The following ADAM9 variants were observed in gnomAD, a reference collection of about 807,000 sequenced individuals.
The protein encoded by ADAM9 is ADAM metallopeptidase domain 9.
ADAM9 carries 54 observed loss-of-function variants against 108.1 expected under a neutral mutation model. The observed-to-expected ratio is 0.50, with a 90% CI of 0.40 to 0.63. The LOEUF (loss-of-function observed/expected upper bound fraction) is 0.63, where lower values mean the gene tolerates loss of function less well. Ranked by LOEUF, ADAM9 falls within the 20% of genes least tolerant of loss-of-function variation. ADAM9 has a pLI of 0.00. For missense variants in ADAM9, 830 were observed against 997.7 expected, an observed-to-expected ratio of 0.83 and a Z score of 2.26; for synonymous variants, 316 against 336.0, an observed-to-expected ratio of 0.94 and a Z score of 0.65.
intron 15 of ADAM9, 139 bp downstream of exon 15, chr8:39,071,542 C>T: frequency 2.8e-6 from 2 of 719,186 alleles, no homozygotes. Context: ...TCTCGGCTCG[C>T]TGCACCCTCC....
chr8:39,062,625 T>G (rs757406915), intron 14 of ADAM9, among the ~76,000 whole-genome samples: 3 of 152,224 alleles, frequency 2.0e-5, no homozygotes, highest in Non-Finnish European at 4.4e-5. Flanking sequence ...TATGCCCACC[T>G]TGCCTTTGGT....
chr8:39,100,062 G>A (rs1353801439), intron 20 of ADAM9, among the ~76,000 whole-genome samples: 2 of 151,074 alleles, frequency 1.3e-5, no homozygotes, highest in African/African-American at 4.9e-5. Context: ...TTGTAGAGAC[G>A]GGGTTTTGCC....
At position 38,997,123 on chromosome 8, in the gene ADAM9, T is replaced by G; in HGVS notation, c.60T>G (p.Leu20=). The G allele has an allele frequency of 6.2e-7, 1 of 1,604,334 alleles. No individual in the cohort carries two copies. Among genetic ancestry groups the G allele is most frequent in the Non-Finnish European group, 8.5e-7 (1 of 1,179,482 alleles). The part of the protein sequence containing the change: ...GTLRVRWLLL[L]GLVGPVLGAA... ...TTCGTGTCCGGTGGTTGCTGTTGCT[T>G]GGCCTGGTGGGCCCAGTCCTCGGTG... Residue 20 remains leucine (L), a synonymous_variant, in exon 1 of 22, where the codon CTT becomes CTG. Coordinates refer to ENST00000487273, the MANE Select transcript of ADAM9 (RefSeq NM_003816.3).
chr8:39,058,329 A>G (rs1838191912), intron 14 of ADAM9, among the ~76,000 whole-genome samples: 1 of 152,184 alleles, frequency 6.6e-6, no homozygotes, highest in Non-Finnish European at 1.5e-5. Flanking sequence ...ATTTATAACT[A>G]ACTTCCACCC....
intron 14 of ADAM9, among the ~76,000 whole-genome samples, chr8:39,067,578 T>A (rs1838526213): frequency 6.6e-6 from 1 of 152,226 alleles, no homozygotes; most frequent in African/African-American, 2.4e-5. Context: ...TGCTTGTGAT[T>A]TTTGCACATT....
chr8:39,091,505 C>T (rs868267278), intron 20 of ADAM9, among the ~76,000 whole-genome samples, 159 bp downstream of exon 20: 5 of 150,932 alleles, frequency 3.3e-5, no homozygotes, highest in African/African-American at 4.8e-5. Context: ...TTTTTGTTTT[C>T]GAGACAGAGC....
intron 20 of ADAM9, among the ~76,000 whole-genome samples, chr8:39,095,102 G>A (rs1478949361): frequency 2.0e-5 from 3 of 152,016 alleles, no homozygotes; most frequent in Non-Finnish European, 4.4e-5. Flanking sequence ...TTGTTATGTT[G>A]TGTTTCTATT....
chr8:39,090,158 A>ATTT lies in ADAM9; in HGVS notation c.2180_2181insTTT (p.Phe728dup). On this transcript the variant is annotated inframe_insertion, in exon 19 of 22. Transcript: ENST00000487273. ...AAGAGGGATCAACTGTGGAGAAGCT[A>ATTT]CTTCAGAAAGAAGAGATCACAAACA... 1 of 1,613,876 alleles carries ATTT rather than the reference A, an allele frequency of 6.2e-7. No homozygotes were observed. Among genetic ancestry groups the ATTT allele is most frequent in the Non-Finnish European group, 8.5e-7 (1 of 1,179,880 alleles).
chr8:39,054,259 G>A (rs555306646), intron 12 of ADAM9, among the ~76,000 whole-genome samples: 8 of 152,174 alleles, frequency 5.3e-5, no homozygotes, highest in South Asian at 4.2e-4. Flanking sequence ...GACTAAGTAA[G>A]GCACATACTA....
Position 39,022,097 on chromosome 8 carries a change from T to TGTGTGTGTGAGA in ADAM9, c.744+384_744+385insTGTGTGTGAGAG, listed in dbSNP as rs1356591377. Among the ~76,000 whole-genome samples, 620 of 136,208 alleles carry TGTGTGTGTGAGA rather than the reference T, an allele frequency of 4.6e-3. 4 individuals carry two copies. Among genetic ancestry groups the TGTGTGTGTGAGA allele is most frequent in the African/African-American group, 0.018 (591 of 32,692 alleles). The allele number at this position is 136,208 out of a possible 152,430, so 89.4% of individuals were successfully genotyped here. On this transcript the variant is annotated intron_variant, in intron 8 of 21. Transcript: ENST00000487273. Reference sequence around the variant, plus strand: ...GTGTGTGTGTGTGTGTGTGTGTGTGTGAGAGAGAGAGAGAGAGAGAGAGAA... The same window carrying TGTGTGTGTGAGA: ...GTGTGTGTGTGTGTGTGTGTGTGTGTGTGTGTGTGAGAGAGAGAGAGAGAGAGAGAGAGAGAA...
rs569472496 is a variant in ADAM9 at position 39,100,385 on chromosome 8, C to T, written c.2299-1478C>T. Among the ~76,000 whole-genome samples the T allele has an allele frequency of 1.0e-3, 157 of 150,528 alleles. 1 individual carries two copies. The highest frequency in any genetic ancestry group is 3.7e-3 in the African/African-American group (151 of 40,966). ...GTGGGTGCCTGTAGTCCCAGCTACT[C>T]GGGAGGCTGAGGCAGGAGAATGGTG... On this transcript the variant is annotated intron_variant, in intron 20 of 21. Coordinates refer to ENST00000487273, the MANE Select transcript of ADAM9 (RefSeq NM_003816.3).
At chr8:39,014,789 T>C (rs1836472719) in intron 4 of ADAM9, 1 of 445,556 alleles carries the variant, frequency 2.2e-6, no homozygotes, top group Admixed American at 4.2e-5. Context: ...GGTAGCGCAC[T>C]TTTGCAGCAT....
intron 3 of ADAM9, 119 bp from the exon 4 acceptor site, chr8:39,013,846 A>G: frequency 2.5e-6 from 2 of 812,200 alleles, no homozygotes; most frequent in Non-Finnish European, 4.1e-6. Flanking sequence ...AAAATAATTT[A>G]TCTGGTGAAA....
At chr8:39,078,056 C>G (rs1344033404) in intron 16 of ADAM9, among the ~76,000 whole-genome samples, 8 of 152,008 alleles carry the variant, frequency 5.3e-5, no homozygotes. Context: ...GAAACCAACT[C>G]AGAGGAGAGA....
At position 39,041,941 on chromosome 8, in the gene ADAM9, T is replaced by C. The variant is rs753141565; in HGVS notation, c.1131-5T>C. On this transcript the variant is annotated splice_polypyrimidine_tract_variant and splice_region_variant and intron_variant, in intron 11 of 21. Coordinates refer to ENST00000487273, the MANE Select transcript of ADAM9 (RefSeq NM_003816.3). ...CATAGATCTTTTTCTTAATGTTTAT[T>C]ATAGGGGTTCCAGAAACTTTAGCAG... 6.2e-7 allele frequency: 1 copy of C among 1,613,610 alleles called. No homozygotes were observed. Among genetic ancestry groups the C allele is most frequent in the East Asian group, 2.2e-5 (1 of 44,868 alleles).
At chr8:39,086,609 C>G (rs542073653) in intron 18 of ADAM9, among the ~76,000 whole-genome samples, 8 of 152,090 alleles carry the variant, frequency 5.3e-5, no homozygotes, top group Non-Finnish European at 1.2e-4. Context: ...GGTAATTTCT[C>G]AGTTTTGATA....
intron 5 of ADAM9, among the ~76,000 whole-genome samples, chr8:39,016,440 A>AT (rs1163472594): frequency 3.9e-5 from 6 of 152,290 alleles, no homozygotes; most frequent in African/African-American, 1.4e-4. Context: ...CATTTTTGCT[A>AT]TTTAAAATGA....
At chr8:39,045,362 A>AT (rs1588377804) in intron 12 of ADAM9, among the ~76,000 whole-genome samples, 1 of 55,086 alleles carries the variant, frequency 1.8e-5, no homozygotes, top group Non-Finnish European at 3.8e-5. Flanking sequence ...ACATACATAT[A>AT]GGTGTGTGTA....
At chr8:39,016,437 G>C (rs1245517023) in intron 5 of ADAM9, among the ~76,000 whole-genome samples, 1 of 151,912 alleles carries the variant, frequency 6.6e-6, no homozygotes, top group East Asian at 1.9e-4. Flanking sequence ...AATCATTTTT[G>C]CTATTTAAAA....
Sources: gnomAD v4.1 joint callset for allele counts (sites outside exome capture counted in the v4.1 genomes callset) on GRCh38, gnomAD v4.1.1 for gene constraint, MANE v1.5 for transcripts, NCBI Gene and HGNC (gene_info 2026-07-23, HGNC 2026-07-21) for gene names.